Variants in DPP6 observed in about 807,000 individuals in gnomAD.
DPP6 encodes A-type potassium channel modulatory protein DPP6.
Under a neutral mutation model 122.6 loss-of-function variants are expected in DPP6, and 69 were observed. That is an observed-to-expected ratio of 0.56 (90% CI 0.46 to 0.69). The LOEUF (loss-of-function observed/expected upper bound fraction) is 0.69, where lower values mean the gene tolerates loss of function less well. Ranked by LOEUF, DPP6 falls within the 30% of genes least tolerant of loss-of-function variation. The pLI is 0.00. For missense variants in DPP6, 928 were observed against 1,116.9 expected, an observed-to-expected ratio of 0.83 and a Z score of 2.41; for synonymous variants, 418 against 433.1, an observed-to-expected ratio of 0.97 and a Z score of 0.43.
chr7:154,730,341 C>T (rs565951192), intron 8 of DPP6, among the ~76,000 whole-genome samples: 15 of 152,178 alleles, frequency 9.9e-5, no homozygotes, highest in African/African-American at 3.6e-4. Context: ...GGCCCAGTCA[C>T]GGGACATGAC....
At chr7:154,572,041 T>G (rs1011533235) in intron 5 of DPP6, among the ~76,000 whole-genome samples, 5 of 152,132 alleles carry the variant, frequency 3.3e-5, no homozygotes, top group African/African-American at 1.2e-4. Flanking sequence ...GCATGGGTGT[T>G]GACAGGGCCC....
chr7:154,615,999 C>T (rs980452239), intron 5 of DPP6, among the ~76,000 whole-genome samples: 1 of 152,186 alleles, frequency 6.6e-6, no homozygotes, highest in African/African-American at 2.4e-5. Context: ...TGGTGTATTG[C>T]TCTTAGCATA....
chr7:154,515,008 G>A (rs1195359641), intron 3 of DPP6, among the ~76,000 whole-genome samples: 1 of 152,188 alleles, frequency 6.6e-6, no homozygotes, highest in African/African-American at 2.4e-5. Context: ...ATCCCAAATA[G>A]TGGATGAGCC....
intron 13 of DPP6, 67 bp from the exon 14 acceptor site, chr7:154,803,797 G>A (rs1798523957): frequency 1.9e-6 from 3 of 1,556,056 alleles, no homozygotes; most frequent in South Asian, 1.2e-5. Flanking sequence ...AACAGTTGGA[G>A]GATGAAGAGC....
intron 1 of DPP6, among the ~76,000 whole-genome samples, chr7:154,021,585 A>G (rs1391175818): frequency 6.6e-6 from 1 of 152,224 alleles, no homozygotes; most frequent in Non-Finnish European, 1.5e-5. Flanking sequence ...AACGAGGGCC[A>G]GTTATCCCCT....
intron 1 of DPP6, among the ~76,000 whole-genome samples, chr7:153,939,033 A>G (rs1017631364): frequency 3.3e-5 from 5 of 152,176 alleles, no homozygotes; most frequent in African/African-American, 1.2e-4. Flanking sequence ...CTCCCCAAAT[A>G]AAATGCATTT....
intron 1 of DPP6, among the ~76,000 whole-genome samples, chr7:153,921,310 A>G (rs544550902): frequency 3.3e-5 from 5 of 152,356 alleles, no homozygotes; most frequent in East Asian, 3.9e-4. Context: ...TTATCACAGC[A>G]TAACTCAGCC....
At chr7:154,076,749 A>C (rs190259372) in intron 1 of DPP6, among the ~76,000 whole-genome samples, 1 of 152,278 alleles carries the variant, frequency 6.6e-6, no homozygotes, top group East Asian at 1.9e-4. Context: ...GACATGGATG[A>C]TGAGGGCATG....
At chr7:153,753,005 G>A in the DPP6 span, among the ~76,000 whole-genome samples, 2 of 152,102 alleles carry the variant, frequency 1.3e-5, no homozygotes, top group Non-Finnish European at 2.9e-5. Flanking sequence ...TTCACATCAA[G>A]CATGGATATA....
At chr7:154,076,432 G>A (rs1025443019) in intron 1 of DPP6, among the ~76,000 whole-genome samples, 3 of 151,380 alleles carry the variant, frequency 2.0e-5, no homozygotes, top group East Asian at 3.9e-4. Context: ...CCTGGGTGAC[G>A]AGGGCAAAAC....
At chr7:154,690,665 T>C (rs3823520) in intron 7 of DPP6, among the ~76,000 whole-genome samples, 132,532 of 151,846 alleles carry the variant, frequency 0.87, 58,246 homozygotes, top group East Asian at 0.94. Context: ...TGGACATATC[T>C]TCTCCCCATC....
intron 1 of DPP6, among the ~76,000 whole-genome samples, chr7:154,297,806 A>G (rs1805640395): frequency 6.6e-6 from 1 of 152,200 alleles, no homozygotes; most frequent in Admixed American, 6.5e-5. Flanking sequence ...TGTAGCAAGC[A>G]TTCCAGATAG....
chr7:154,298,224 C>T (rs1805667071), intron 1 of DPP6, among the ~76,000 whole-genome samples: 2 of 151,776 alleles, frequency 1.3e-5, no homozygotes, highest in Non-Finnish European at 2.9e-5. Flanking sequence ...TCACATCTGC[C>T]AGCCCCCACA....
At chr7:153,845,349 A>G in the DPP6 span, among the ~76,000 whole-genome samples, 1 of 152,026 alleles carries the variant, frequency 6.6e-6, no homozygotes, top group African/African-American at 2.4e-5. Context: ...TTCATAAATA[A>G]AGCTTATTGT....
intron 19 of DPP6, among the ~76,000 whole-genome samples, chr7:154,874,241 C>T (rs1444074111): frequency 6.6e-6 from 1 of 152,240 alleles, no homozygotes; most frequent in Non-Finnish European, 1.5e-5. Flanking sequence ...CTTTCTTCCC[C>T]TGCACACTGG....
chr7:153,782,458 A>G, the DPP6 span, among the ~76,000 whole-genome samples: 1 of 152,172 alleles, frequency 6.6e-6, no homozygotes, highest in East Asian at 1.9e-4. Context: ...AGAGAAAGAG[A>G]GCAGCGGCCT....
At chr7:154,313,714 T>TATATATATATATATGCATACACACACAC (rs1177234778) in intron 1 of DPP6, among the ~76,000 whole-genome samples, 4 of 17,786 alleles carry the variant, frequency 2.2e-4, no homozygotes, top group Non-Finnish European at 4.8e-4. Flanking sequence ...TATATATATA[T>TATATATATATATATGCATACACACACAC]ACACACACAC....
chr7:154,212,713 T>C (rs1320394380), intron 1 of DPP6, among the ~76,000 whole-genome samples: 1 of 152,182 alleles, frequency 6.6e-6, no homozygotes, highest in Non-Finnish European at 1.5e-5. Context: ...GGACCTAATA[T>C]GTAATCTCAT....
chr7:154,226,583 T>C (rs1800617064), intron 1 of DPP6, among the ~76,000 whole-genome samples: 1 of 152,182 alleles, frequency 6.6e-6, no homozygotes. Context: ...CCATGTAGTA[T>C]GGGAACTTTA....
Sources: gnomAD v4.1 joint callset for allele counts (sites outside exome capture counted in the v4.1 genomes callset) on GRCh38, gnomAD v4.1.1 for gene constraint, MANE v1.5 for transcripts, NCBI Gene and HGNC (gene_info 2026-07-23, HGNC 2026-07-21) for gene names.